NBAS: variants seen among roughly 807,000 people sequenced by gnomAD.
The protein encoded by NBAS is NBAS subunit of NRZ tethering complex, also known as NAG/BC035112 fusion.
In NBAS, 219 loss-of-function variants were observed where a neutral mutation model predicts 302.5. That is an observed-to-expected ratio of 0.72 (90% CI 0.65 to 0.81). NBAS has a LOEUF of 0.81. Among genes scored for constraint, NBAS ranks in the 30% least tolerant of loss-of-function variants. NBAS has a pLI of 0.00. For synonymous variants in NBAS, 1,118 were observed against 1,021.6 expected, an observed-to-expected ratio of 1.09 and a Z score of -1.80; for missense variants, 2,932 against 2,841.6, an observed-to-expected ratio of 1.03 and a Z score of -0.72.
At chr2:14,969,545 T>A in the NBAS span, among the ~76,000 whole-genome samples, 5 of 151,872 alleles carry the variant, frequency 3.3e-5, no homozygotes, top group East Asian at 7.8e-4. Context: ...CGCGGCTAAT[T>A]TTTTTATTTT....
At chr2:15,301,005 G>A (rs1345402877) in intron 40 of NBAS, among the ~76,000 whole-genome samples, 1 of 152,190 alleles carries the variant, frequency 6.6e-6, no homozygotes, top group East Asian at 1.9e-4. Context: ...CACGGCTGGA[G>A]GGGTAAGGAA....
At chr2:15,005,387 T>C in the NBAS span, among the ~76,000 whole-genome samples, 2 of 152,252 alleles carry the variant, frequency 1.3e-5, no homozygotes, top group African/African-American at 4.8e-5. Context: ...GATTATTTAT[T>C]TGGAAGAGCG....
the NBAS span, among the ~76,000 whole-genome samples, chr2:15,062,933 A>G: frequency 4.6e-4 from 70 of 152,354 alleles, no homozygotes; most frequent in African/African-American, 1.5e-3. Context: ...GAATAAGCCC[A>G]AGGTTATAAG....
Position 15,475,859 on chromosome 2 carries a change from AGTGG to A in NBAS, c.1165_1168del (p.Pro389Ter). The stretch of plus-strand genomic sequence containing the variant: ...GTCTGCCCACCAATTGACATCTATC[AGTGG>A]GTAAAAGGACTCTTTATCTAAGAAG... On this transcript the variant is annotated frameshift_variant, in exon 14 of 52. Coordinates refer to ENST00000281513, the MANE Select transcript of NBAS (RefSeq NM_015909.4). LOFTEE classifies it high-confidence loss of function. 5.6e-6 allele frequency: 9 copies of A among 1,613,832 alleles called. No homozygotes were observed. Among genetic ancestry groups the A allele is most frequent in the Non-Finnish European group, 7.6e-6 (9 of 1,179,772 alleles).
In NBAS at chr2:15,223,344, C is replaced by T. The variant is rs796123390; in HGVS notation, c.6237-4376G>A. On this transcript the variant is annotated intron_variant, in intron 47 of 51. Coordinates refer to ENST00000281513, the MANE Select transcript of NBAS (RefSeq NM_015909.4). ...AAGCATGTCAGTATTTTTTTTTTATCTGTGTAATTTTTCTAAGGGTTTTAA... is the reference window on the plus strand; with the variant it reads ...AAGCATGTCAGTATTTTTTTTTTATTTGTGTAATTTTTCTAAGGGTTTTAA... Among the ~76,000 whole-genome samples the T allele has an allele frequency of 1.7e-4, 26 of 151,402 alleles. 2 individuals are homozygous for T. The highest frequency in any genetic ancestry group is 6.3e-4 in the African/African-American group (26 of 41,314).
intron 32 of NBAS, among the ~76,000 whole-genome samples, chr2:15,360,549 T>C (rs908296906): frequency 6.6e-6 from 1 of 151,922 alleles, no homozygotes. Flanking sequence ...AGGATTTCAC[T>C]ATGTTTCTCA....
chr2:15,390,950 T>C (rs964272535), intron 28 of NBAS, among the ~76,000 whole-genome samples: 5 of 151,856 alleles, frequency 3.3e-5, no homozygotes, highest in Admixed American at 3.3e-4. Context: ...CCGTCTCTAC[T>C]AAGAATACAA....
At chr2:15,016,517 G>C in the NBAS span, among the ~76,000 whole-genome samples, 4 of 152,080 alleles carry the variant, frequency 2.6e-5, no homozygotes, top group African/African-American at 9.7e-5. Context: ...TGGATTGGAA[G>C]AATTAATATT....
At chr2:15,010,577 A>T in the NBAS span, among the ~76,000 whole-genome samples, 7 of 152,262 alleles carry the variant, frequency 4.6e-5, no homozygotes, top group East Asian at 1.2e-3. Context: ...CTCAAAGTGA[A>T]ACCACCTTTG....
chr2:14,988,513 G>A, the NBAS span, among the ~76,000 whole-genome samples: 59 of 152,104 alleles, frequency 3.9e-4, no homozygotes, highest in East Asian at 1.7e-3. Flanking sequence ...AGGGTGCTTC[G>A]GCTCCCTCCC....
At chr2:15,048,406 A>G in the NBAS span, among the ~76,000 whole-genome samples, 2 of 152,216 alleles carry the variant, frequency 1.3e-5, no homozygotes, top group African/African-American at 4.8e-5. Flanking sequence ...CACCTTCTCC[A>G]TCAGCTCAGC....
chr2:15,336,428 T>C (rs1397639162), intron 35 of NBAS, among the ~76,000 whole-genome samples: 2 of 152,288 alleles, frequency 1.3e-5, no homozygotes, highest in South Asian at 2.1e-4. Flanking sequence ...TGTTTGAAGA[T>C]ATATTTTCAC....
intron 32 of NBAS, among the ~76,000 whole-genome samples, chr2:15,361,838 G>A (rs1035789378): frequency 6.6e-6 from 1 of 151,986 alleles, no homozygotes; most frequent in Non-Finnish European, 1.5e-5. Context: ...AAATTAGCCA[G>A]GTGTGGTGGC....
intron 12 of NBAS, chr2:15,483,389 A>G (rs904032334): frequency 5.4e-5 from 23 of 422,646 alleles, no homozygotes; most frequent in Non-Finnish European, 1.1e-4. Flanking sequence ...TGAAAAAGAA[A>G]ATAAAATGAC....
chr2:15,428,505 G>A (rs1173935223), intron 21 of NBAS, among the ~76,000 whole-genome samples: 3 of 152,092 alleles, frequency 2.0e-5, no homozygotes, highest in African/African-American at 7.2e-5. Flanking sequence ...CAAGGAGGGA[G>A]GACTGCTTGA....
intron 42 of NBAS, among the ~76,000 whole-genome samples, chr2:15,277,393 G>A (rs767155348): frequency 2.0e-5 from 3 of 152,160 alleles, no homozygotes; most frequent in African/African-American, 4.8e-5. Flanking sequence ...GCTGTCTGAT[G>A]TCTCCCAGCT....
intron 38 of NBAS, among the ~76,000 whole-genome samples, chr2:15,314,856 A>C (rs1671435651): frequency 6.6e-6 from 1 of 152,206 alleles, no homozygotes; most frequent in Admixed American, 6.5e-5. Flanking sequence ...TAAAACAAAA[A>C]CAAAAACCTA....
chr2:15,033,718 T>G, the NBAS span, among the ~76,000 whole-genome samples: 3 of 151,982 alleles, frequency 2.0e-5, no homozygotes, highest in East Asian at 5.8e-4. Flanking sequence ...CTTAGCACTT[T>G]GGGAGGTGGG....
chr2:15,296,377 A>G (rs977730184), intron 40 of NBAS, among the ~76,000 whole-genome samples: 1 of 152,124 alleles, frequency 6.6e-6, no homozygotes, highest in Non-Finnish European at 1.5e-5. Flanking sequence ...CGTTTCTACT[A>G]AAAGTACCAA....
Sources: allele counts gnomAD v4.1 joint callset (sites outside exome capture counted in the v4.1 genomes callset), GRCh38; gene constraint gnomAD v4.1.1; transcripts MANE v1.5; gene names NCBI Gene and HGNC (gene_info 2026-07-23, HGNC 2026-07-21).